TMEM236: variants seen among roughly 807,000 people sequenced by gnomAD.
TMEM236 encodes family with sequence similarity 23, member A.
Under a neutral mutation model 14.7 loss-of-function variants are expected in TMEM236, and 11 were observed. The ratio of observed to expected loss-of-function variants is 0.75; its 90% CI spans 0.47 to 1.24. The LOEUF (loss-of-function observed/expected upper bound fraction) is 1.24. Ranked by LOEUF, TMEM236 falls within the 50% of genes most tolerant of loss-of-function variation. The pLI, the probability that TMEM236 is intolerant of heterozygous loss-of-function variation, is 0.00. For synonymous variants in TMEM236, 182 were observed against 168.6 expected, an observed-to-expected ratio of 1.08 and a Z score of -0.62; for missense variants, 464 against 427.3, an observed-to-expected ratio of 1.09 and a Z score of -0.76.
In TMEM236 at chr10:17,796,813, T is replaced by C. The variant is rs1838023459; in HGVS notation, c.*309T>C. The stretch of plus-strand genomic sequence containing the variant: ...GGACCATGGTCCCAGTACTGGTCCG[T>C]GATCTGTTAGCAAGCAGACCGCACA... On this transcript the variant is annotated 3_prime_UTR_variant, in exon 4 of 4. Coordinates refer to ENST00000377495, the MANE Select transcript of TMEM236 (RefSeq NM_001098844.3). 1 of 374,696 alleles carries C rather than the reference T, an allele frequency of 2.7e-6. No individual in the cohort carries two copies. Among genetic ancestry groups the C allele is most frequent in the Non-Finnish European group, 5.0e-6 (1 of 201,834 alleles). 23.2% of individuals were successfully genotyped at this position (374,696 alleles called of 1,614,324 possible).
intron 3 of TMEM236, among the ~76,000 whole-genome samples, chr10:17,779,469 A>T (rs1460571631): frequency 6.6e-6 from 1 of 152,018 alleles, no homozygotes; most frequent in East Asian, 1.9e-4. Flanking sequence ...TTCTGCTCCC[A>T]TTTAATTAAT....
At chr10:17,785,328 T>A (rs1837816591) in intron 3 of TMEM236, among the ~76,000 whole-genome samples, 1 of 152,198 alleles carries the variant, frequency 6.6e-6, no homozygotes, top group South Asian at 2.1e-4. Context: ...GCATCTGTAA[T>A]TTTTTAAAGC....
intron 1 of TMEM236, among the ~76,000 whole-genome samples, chr10:17,768,294 A>G (rs1442789796): frequency 6.6e-6 from 1 of 152,058 alleles, no homozygotes; most frequent in African/African-American, 2.4e-5. Context: ...TATGAGGTTA[A>G]TGAAAGAAAT....
intron 1 of TMEM236, among the ~76,000 whole-genome samples, chr10:17,764,793 C>G (rs1230200149): frequency 1.3e-5 from 2 of 151,384 alleles, no homozygotes; most frequent in Non-Finnish European, 2.9e-5. Flanking sequence ...CCTATGTGTC[C>G]TCGCTTAGTC....
At chr10:17,793,585 G>A (rs1837962632) in intron 3 of TMEM236, among the ~76,000 whole-genome samples, 1 of 152,212 alleles carries the variant, frequency 6.6e-6, no homozygotes, top group African/African-American at 2.4e-5. Flanking sequence ...CCGGGTTCAA[G>A]CAATTCTCAT....
intron 3 of TMEM236, among the ~76,000 whole-genome samples, chr10:17,781,106 A>C (rs1420758579): frequency 6.6e-6 from 1 of 152,202 alleles, no homozygotes; most frequent in African/African-American, 2.4e-5. Flanking sequence ...GCCTAGTCCC[A>C]GGTGGCCTTT....
chr10:17,793,786 T>A lies in TMEM236; in HGVS notation c.473-2135T>A, dbSNP rs1332265658. 2.0e-5 allele frequency among the ~76,000 whole-genome samples: 3 copies of A among 152,280 alleles called. No individual in the cohort carries two copies. The East Asian group carries it at 5.8e-4, about 29-fold the overall frequency. ...GCGTGAGCCATCACGCCTGGCTCTATATTAATTTTTTAAATAACATAAGAG... is the reference window on the plus strand; with the variant it reads ...GCGTGAGCCATCACGCCTGGCTCTAAATTAATTTTTTAAATAACATAAGAG... On this transcript the variant is annotated intron_variant, in intron 3 of 3. Coordinates refer to ENST00000377495, the MANE Select transcript of TMEM236 (RefSeq NM_001098844.3).
intron 3 of TMEM236, among the ~76,000 whole-genome samples, chr10:17,794,729 C>T (rs1837982876): frequency 1.3e-5 from 2 of 152,164 alleles, no homozygotes; most frequent in Admixed American, 6.5e-5. Context: ...CACTATGAAT[C>T]TCTAGTGGTC....
intron 2 of TMEM236, among the ~76,000 whole-genome samples, chr10:17,772,068 A>T (rs993612464): frequency 1.3e-5 from 2 of 152,198 alleles, no homozygotes; most frequent in Non-Finnish European, 2.9e-5. Context: ...ATGTGAAGCA[A>T]ATATTCATTA....
At chr10:17,768,208 A>T (rs978238997) in intron 1 of TMEM236, among the ~76,000 whole-genome samples, 4 of 149,676 alleles carry the variant, frequency 2.7e-5, no homozygotes, top group African/African-American at 9.9e-5. Flanking sequence ...AATTACAGGC[A>T]TGAGCCACCA....
intron 1 of TMEM236, among the ~76,000 whole-genome samples, chr10:17,764,011 T>A (rs916078842): frequency 6.6e-6 from 1 of 152,190 alleles, no homozygotes; most frequent in African/African-American, 2.4e-5. Context: ...TGGCATGATA[T>A]GAACTCATTG....
chr10:17,779,197 A>G (rs886328135), intron 3 of TMEM236, among the ~76,000 whole-genome samples: 17 of 152,182 alleles, frequency 1.1e-4, no homozygotes, highest in Admixed American at 5.9e-4. Context: ...CATTGCAACC[A>G]TACCTGTTTC....
intron 1 of TMEM236, among the ~76,000 whole-genome samples, chr10:17,761,047 C>G (rs1291829712): frequency 6.6e-6 from 1 of 152,164 alleles, no homozygotes; most frequent in Non-Finnish European, 1.5e-5. Context: ...TTTTTCTTTT[C>G]TCTCCTTATC....
At chr10:17,776,268 T>C (rs1250409342) in intron 3 of TMEM236, 98 bp downstream of exon 3, 5 of 1,166,324 alleles carry the variant, frequency 4.3e-6, no homozygotes, top group Non-Finnish European at 5.0e-6. Flanking sequence ...TGATACCTTT[T>C]CTTAGGGCTA....
chr10:17,755,107 GTT>G (rs1400481641), intron 1 of TMEM236, among the ~76,000 whole-genome samples: 6 of 137,356 alleles, frequency 4.4e-5, no homozygotes, highest in Middle Eastern at 3.5e-3. Flanking sequence ...CCCGGCTAAT[GTT>G]TTTTTTTTTT....
At chr10:17,759,051 C>T (rs1172627395) in intron 1 of TMEM236, among the ~76,000 whole-genome samples, 42 of 152,266 alleles carry the variant, frequency 2.8e-4, no homozygotes, top group African/African-American at 8.9e-4. Flanking sequence ...AACTTTAATC[C>T]AGTACTTTCC....
intron 2 of TMEM236, among the ~76,000 whole-genome samples, chr10:17,774,234 G>A (rs1281389626): frequency 3.3e-5 from 5 of 151,994 alleles, no homozygotes; most frequent in Admixed American, 6.6e-5. Flanking sequence ...TAATAGAGAT[G>A]GGGTTTCAAC....
rs1299668118 is a variant in TMEM236, at chr10:17,799,477, C to T, written c.*2973C>T. On this transcript the variant is annotated 3_prime_UTR_variant, in exon 4 of 4. Coordinates refer to ENST00000377495, the MANE Select transcript of TMEM236 (RefSeq NM_001098844.3). ...GGGTGTGGTGGCACGCGCCTGTAGTCTCAGCTACTTGGGAGGCTGAGGCAG... is the reference window on the plus strand; with the variant it reads ...GGGTGTGGTGGCACGCGCCTGTAGTTTCAGCTACTTGGGAGGCTGAGGCAG... The T allele has an allele frequency of 6.6e-6, 1 of 152,154 alleles. No individual in the cohort carries two copies. Among genetic ancestry groups the T allele is most frequent in the Non-Finnish European group, 1.5e-5 (1 of 68,088 alleles). 9.4% of individuals were successfully genotyped at this position (152,154 alleles called of 1,614,324 possible).
intron 1 of TMEM236, among the ~76,000 whole-genome samples, chr10:17,760,645 G>T (rs1174916798): frequency 2.0e-5 from 3 of 152,134 alleles, no homozygotes; most frequent in African/African-American, 7.2e-5. Context: ...ACTATATCCA[G>T]TGTATTAGTC....
Sources: gnomAD v4.1 joint callset for allele counts (sites outside exome capture counted in the v4.1 genomes callset) on GRCh38, gnomAD v4.1.1 for gene constraint, MANE v1.5 for transcripts, NCBI Gene and HGNC (gene_info 2026-07-23, HGNC 2026-07-21) for gene names.